The following PCMTD1 variants were observed in gnomAD, a reference collection of about 807,000 sequenced individuals.
PCMTD1 encodes protein-L-isoaspartate O-methyltransferase domain-containing protein 1.
Under a neutral mutation model 37.6 loss-of-function variants are expected in PCMTD1, and 12 were observed. The observed-to-expected ratio is 0.32, with a 90% CI of 0.20 to 0.52. PCMTD1 has a LOEUF of 0.52. Ranked by LOEUF, PCMTD1 falls within the 20% of genes least tolerant of loss-of-function variation. PCMTD1 has a pLI of 0.97. For synonymous variants in PCMTD1, 117 were observed against 135.8 expected (o/e 0.86, Z 0.96); for missense variants, 235 against 421.3 (o/e 0.56, Z 3.87).
intron 2 of PCMTD1, among the ~76,000 whole-genome samples, chr8:51,852,893 G>T (rs1305698151): frequency 2.6e-5 from 4 of 152,190 alleles, no homozygotes; most frequent in Non-Finnish European, 1.5e-5. Flanking sequence ...GGCAGGAAAA[G>T]AATTGTTGGG....
upstream of PCMTD1, chr8:51,899,060 G>A (rs753169386): frequency 1.2e-5 from 18 of 1,499,654 alleles, no homozygotes; most frequent in South Asian, 5.0e-5. Flanking sequence ...CCGGACCCGC[G>A]ACTGGAGCAG....
At chr8:51,822,549 T>C (rs1197158236) in intron 5 of PCMTD1, among the ~76,000 whole-genome samples, 3 of 152,194 alleles carry the variant, frequency 2.0e-5, no homozygotes, top group East Asian at 1.9e-4. Flanking sequence ...ATTTCAGAGA[T>C]AATAATAACT....
At chr8:51,848,077 CGTG>C (rs10684867) in intron 2 of PCMTD1, among the ~76,000 whole-genome samples, 1 of 151,198 alleles carries the variant, frequency 6.6e-6, no homozygotes, top group African/African-American at 2.4e-5. Context: ...AGAGAGAGAC[CGTG>C]GTTTTGTTTG....
chr8:51,846,457 G>A (rs1015008532), intron 2 of PCMTD1, among the ~76,000 whole-genome samples: 4 of 152,160 alleles, frequency 2.6e-5, no homozygotes, highest in African/African-American at 9.7e-5. Flanking sequence ...GAAAATACGA[G>A]GACTCAGTGT....
intron 5 of PCMTD1, among the ~76,000 whole-genome samples, chr8:51,821,522 CAAGT>C (rs904313877): frequency 1.3e-5 from 2 of 152,152 alleles, no homozygotes; most frequent in Non-Finnish European, 2.9e-5. Flanking sequence ...CATTCATCAT[CAAGT>C]AAGTATTAAC....
intron 2 of PCMTD1, among the ~76,000 whole-genome samples, chr8:51,858,066 G>A (rs999869383): frequency 6.6e-6 from 1 of 152,098 alleles, no homozygotes; most frequent in African/African-American, 2.4e-5. Context: ...TCGTGTTTCT[G>A]GATTTGTGTT....
intron 1 of PCMTD1, among the ~76,000 whole-genome samples, chr8:51,884,181 T>C (rs938600653): frequency 3.9e-5 from 6 of 152,216 alleles, no homozygotes; most frequent in African/African-American, 7.2e-5. Flanking sequence ...TAAAGCCTTA[T>C]ATTATTAAAA....
At chr8:51,852,222 G>A (rs1278545290) in intron 2 of PCMTD1, among the ~76,000 whole-genome samples, 1 of 152,162 alleles carries the variant, frequency 6.6e-6, no homozygotes, top group East Asian at 1.9e-4. Flanking sequence ...AGCTGGCACA[G>A]GGTCTAACAT....
rs544650273 is a variant in PCMTD1, at chr8:51,870,476, A to C, written c.-95-9230T>G. On this transcript the variant is annotated intron_variant, in intron 1 of 5. Coordinates refer to ENST00000522514, the MANE Select transcript of PCMTD1 (RefSeq NM_052937.4). ...CTAAGGTTCACTACTCACTTGCCAA[A>C]AGCTGCAAAGAGCATCTACTTTACT... is the stretch of plus-strand genomic sequence containing the variant. The C allele has an allele frequency of 3.3e-5, 5 of 152,362 alleles. No individual in the cohort carries two copies. The South Asian group carries it at 1.0e-3, about 32-fold the overall frequency. 9.4% of individuals were successfully genotyped at this position (152,362 alleles called of 1,614,324 possible).
intron 1 of PCMTD1, among the ~76,000 whole-genome samples, chr8:51,879,833 G>C (rs2038766959): frequency 6.6e-6 from 1 of 152,096 alleles, no homozygotes; most frequent in African/African-American, 2.4e-5. Flanking sequence ...GTGGCAAAGG[G>C]TTGATAGCCA....
At chr8:51,899,082 C>G (rs887570665), upstream of PCMTD1, 5 of 1,490,174 alleles carry the variant, frequency 3.4e-6, no homozygotes, top group African/African-American at 2.9e-5. Flanking sequence ...CAGAGCCTCC[C>G]GGACTCCGGA....
chr8:51,897,754 T>G (rs1317388410), intron 1 of PCMTD1, among the ~76,000 whole-genome samples: 1 of 152,184 alleles, frequency 6.6e-6, no homozygotes, highest in African/African-American at 2.4e-5. Flanking sequence ...TGTTTAACAA[T>G]GAAGAAAAGG....
At chr8:51,892,696 G>A (rs2038952527) in intron 1 of PCMTD1, among the ~76,000 whole-genome samples, 1 of 152,088 alleles carries the variant, frequency 6.6e-6, no homozygotes, top group South Asian at 2.1e-4. Flanking sequence ...AATATACTCT[G>A]AGGCTGAAAT....
intron 1 of PCMTD1, among the ~76,000 whole-genome samples, chr8:51,864,379 C>T (rs576790150): frequency 2.0e-4 from 30 of 152,270 alleles, no homozygotes; most frequent in African/African-American, 1.2e-4. Flanking sequence ...ACTTGAACAA[C>T]GCTTTAGACC....
chr8:51,891,628 T>C (rs1018367984), intron 1 of PCMTD1, among the ~76,000 whole-genome samples: 2 of 148,708 alleles, frequency 1.3e-5, no homozygotes, highest in Non-Finnish European at 3.0e-5. Flanking sequence ...AGAGAATATA[T>C]CATTATTCAG....
chr8:51,831,125 G>A (rs941993170), intron 5 of PCMTD1, among the ~76,000 whole-genome samples: 6 of 151,856 alleles, frequency 4.0e-5, no homozygotes, highest in Non-Finnish European at 5.9e-5. Flanking sequence ...TGGTGAAACA[G>A]CGTCTCTTCT....
Position 51,861,365 on chromosome 8 carries a change from A to G in PCMTD1, c.-95-119T>C, listed in dbSNP as rs2038466732. ...ATTTCTCATGGAAATATTCTGCTCC[A>G]GCATAGTGTTAAACTCCTTCTTAAC... On this transcript the variant is annotated intron_variant, in intron 1 of 5. Coordinates refer to ENST00000522514, the MANE Select transcript of PCMTD1 (RefSeq NM_052937.4). 10 of 734,012 alleles carry G rather than the reference A, an allele frequency of 1.4e-5. No individual in the cohort carries two copies. The South Asian group carries it at 2.4e-4, about 17-fold the overall frequency. 45.5% of individuals were successfully genotyped at this position (734,012 alleles called of 1,614,324 possible).
At chr8:51,879,908 T>C (rs1305636014) in intron 1 of PCMTD1, among the ~76,000 whole-genome samples, 11 of 151,802 alleles carry the variant, frequency 7.2e-5, no homozygotes, top group Non-Finnish European at 1.5e-5. Flanking sequence ...AAAGGCCAGG[T>C]GCAGTGGCTC....
chr8:51,851,343 A>G (rs529228339), intron 2 of PCMTD1, among the ~76,000 whole-genome samples: 1 of 152,222 alleles, frequency 6.6e-6, no homozygotes, highest in African/African-American at 2.4e-5. Context: ...ATATGTTTAC[A>G]TAAGATCTCA....
Sources: allele counts gnomAD v4.1 joint callset (sites outside exome capture counted in the v4.1 genomes callset), GRCh38; gene constraint gnomAD v4.1.1; transcripts MANE v1.5; gene names NCBI Gene and HGNC (gene_info 2026-07-23, HGNC 2026-07-21).